Variants in RBFOX1 observed in about 807,000 individuals in gnomAD.
RBFOX1 encodes the protein RNA binding protein fox-1 homolog 1.
RBFOX1 carries 8 observed loss-of-function variants against 57.7 expected under a neutral mutation model. That is an observed-to-expected ratio of 0.14 (90% CI 0.08 to 0.25). The LOEUF is 0.25. Ranked by LOEUF, RBFOX1 falls within the 10% of genes least tolerant of loss-of-function variation. The pLI is 1.00. For synonymous variants in RBFOX1, 326 were observed against 222.4 expected (o/e 1.47, Z -4.15); for missense variants, 611 against 548.5 (o/e 1.11, Z -1.14).
chr16:6,437,317 A>T (rs2094263095), intron 2 of RBFOX1, among the ~76,000 whole-genome samples: 1 of 152,190 alleles, frequency 6.6e-6, no homozygotes, highest in South Asian at 2.1e-4. Flanking sequence ...TTATTTTTAA[A>T]ATGTGTCTGT....
At chr16:5,780,395 A>G (rs1003703356) in intron 3 of RBFOX1, among the ~76,000 whole-genome samples, 3 of 152,180 alleles carry the variant, frequency 2.0e-5, no homozygotes, top group African/African-American at 7.2e-5. Flanking sequence ...AATTTTATTC[A>G]TTGGTTCATC....
At chr16:6,703,828 C>G (rs1394687152) in intron 3 of RBFOX1, 2 of 152,344 alleles carry the variant, frequency 1.3e-5, no homozygotes, top group Admixed American at 6.5e-5. Flanking sequence ...GGGTGGCTTC[C>G]CCTCTCTGAC....
chr16:6,709,359 A>T (rs1042000592), intron 3 of RBFOX1, among the ~76,000 whole-genome samples: 1 of 152,204 alleles, frequency 6.6e-6, no homozygotes, highest in Non-Finnish European at 1.5e-5. Flanking sequence ...CTTGATTTAA[A>T]AATAAATTTC....
At chr16:7,335,630 T>C (rs890182688) in intron 4 of RBFOX1, among the ~76,000 whole-genome samples, 2 of 151,702 alleles carry the variant, frequency 1.3e-5, no homozygotes, top group African/African-American at 2.4e-5. Context: ...TACCAGTCAT[T>C]TGGTGTGCCA....
chr16:7,095,819 T>G (rs973887879), intron 4 of RBFOX1, among the ~76,000 whole-genome samples: 1 of 152,154 alleles, frequency 6.6e-6, no homozygotes, highest in Non-Finnish European at 1.5e-5. Context: ...GAGACCATCC[T>G]GGCTAACACG....
chr16:6,671,917 T>A (rs942659264), intron 3 of RBFOX1, among the ~76,000 whole-genome samples: 4 of 152,194 alleles, frequency 2.6e-5, no homozygotes, highest in Non-Finnish European at 5.9e-5. Flanking sequence ...CAAGTTGCCT[T>A]TAAAAACTGT....
intron 4 of RBFOX1, among the ~76,000 whole-genome samples, chr16:5,998,621 G>C (rs955514774): frequency 3.3e-5 from 5 of 152,210 alleles, no homozygotes; most frequent in Non-Finnish European, 7.3e-5. Context: ...TGAGGGTGCA[G>C]AGCCACCTCC....
intron 1 of RBFOX1, among the ~76,000 whole-genome samples, chr16:6,166,428 G>A (rs1441054924): frequency 6.6e-6 from 1 of 152,052 alleles, no homozygotes; most frequent in African/African-American, 2.4e-5. Flanking sequence ...ATGAAAATAA[G>A]GTCATCAAGG....
chr16:5,881,915 A>G (rs543390498), intron 4 of RBFOX1, among the ~76,000 whole-genome samples: 24 of 152,356 alleles, frequency 1.6e-4, no homozygotes, highest in Admixed American at 1.2e-3. Context: ...TAATTACTTC[A>G]GTAGCAGTGG....
chr16:6,528,161 T>G (rs554885304), intron 2 of RBFOX1, among the ~76,000 whole-genome samples: 6 of 152,252 alleles, frequency 3.9e-5, no homozygotes, highest in African/African-American at 1.4e-4. Context: ...CTGTTATCTT[T>G]GTCTTCGGCA....
At chr16:6,354,695 G>A (rs559855325) in intron 2 of RBFOX1, among the ~76,000 whole-genome samples, 12 of 152,170 alleles carry the variant, frequency 7.9e-5, no homozygotes, top group African/African-American at 1.7e-4. Flanking sequence ...TGCACAGGCC[G>A]TTCCTGTACC....
intron 4 of RBFOX1, among the ~76,000 whole-genome samples, chr16:7,481,135 A>G (rs541025075): frequency 1.2e-4 from 18 of 152,200 alleles, no homozygotes; most frequent in East Asian, 1.9e-4. Flanking sequence ...CATTTGTTCA[A>G]TGAGGATGGT....
intron 12 of RBFOX1, among the ~76,000 whole-genome samples, chr16:7,664,197 C>G (rs2068565756): frequency 6.6e-6 from 1 of 152,208 alleles, no homozygotes; most frequent in African/African-American, 2.4e-5. Context: ...CGTGTATACA[C>G]TATAGACAAA....
intron 2 of RBFOX1, among the ~76,000 whole-genome samples, chr16:6,535,377 G>A (rs939006228): frequency 1.3e-5 from 2 of 152,096 alleles, no homozygotes; most frequent in Admixed American, 6.6e-5. Flanking sequence ...TGTCATGGAC[G>A]AAGATTCACT....
chr16:6,028,956 C>T (rs1444385123), intron 1 of RBFOX1, among the ~76,000 whole-genome samples: 1 of 152,102 alleles, frequency 6.6e-6, no homozygotes, highest in East Asian at 1.9e-4. Context: ...TGAGCTTGGG[C>T]CAGTTACTGC....
intron 3 of RBFOX1, among the ~76,000 whole-genome samples, chr16:6,720,052 C>G (rs905405413): frequency 4.0e-5 from 6 of 151,876 alleles, no homozygotes; most frequent in Non-Finnish European, 7.4e-5. Flanking sequence ...CAAGATCATG[C>G]CACTGCACTA....
At chr16:5,593,885 C>G (rs2151189745) in intron 2 of RBFOX1, among the ~76,000 whole-genome samples, 1 of 152,258 alleles carries the variant, frequency 6.6e-6, no homozygotes, top group African/African-American at 2.4e-5. Flanking sequence ...GATCGGGACC[C>G]CTTTCCTGTA....
chr16:6,937,251 A>G (rs1254348579), intron 3 of RBFOX1, among the ~76,000 whole-genome samples: 1 of 152,178 alleles, frequency 6.6e-6, no homozygotes, highest in Non-Finnish European at 1.5e-5. Context: ...TCAGATACCC[A>G]GATTCAACAA....
At chr16:6,771,930 C>G (rs547825820) in intron 3 of RBFOX1, among the ~76,000 whole-genome samples, 1 of 152,136 alleles carries the variant, frequency 6.6e-6, no homozygotes, top group East Asian at 1.9e-4. Flanking sequence ...AGGTTATCTC[C>G]TACTCTGGGC....
Sources: allele counts gnomAD v4.1 joint callset (sites outside exome capture counted in the v4.1 genomes callset), GRCh38; gene constraint gnomAD v4.1.1; transcripts MANE v1.5; gene names NCBI Gene and HGNC (gene_info 2026-07-23, HGNC 2026-07-21).